The following PLXDC2 variants were observed in gnomAD, a reference collection of about 807,000 sequenced individuals.
The protein encoded by PLXDC2 is plexin domain containing 2.
Under a neutral mutation model 68.9 loss-of-function variants are expected in PLXDC2, and 40 were observed. The observed-to-expected ratio is 0.58, with a 90% confidence interval of 0.45 to 0.76. PLXDC2 has a LOEUF of 0.76. Ranked by LOEUF, PLXDC2 falls within the 30% of genes least tolerant of loss-of-function variation. The pLI is 0.00. For missense variants in PLXDC2, 644 were observed against 661.9 expected (o/e 0.97, Z 0.30); for synonymous variants, 243 against 234.2 (o/e 1.04, Z -0.34).
intron 9 of PLXDC2, among the ~76,000 whole-genome samples, chr10:20,191,570 A>G (rs1342449640): frequency 6.8e-6 from 1 of 146,274 alleles, no homozygotes; most frequent in African/African-American, 2.5e-5. Context: ...CACTGCCCAG[A>G]TTTCCTGCTG....
intron 1 of PLXDC2, among the ~76,000 whole-genome samples, chr10:19,818,960 AT>A (rs1287977227): frequency 7.3e-5 from 11 of 151,694 alleles, no homozygotes; most frequent in African/African-American, 1.9e-4. Context: ...GGAAAAAAAA[AT>A]AAATGCCAGC....
chr10:20,097,208 T>C (rs1295989172), intron 4 of PLXDC2, among the ~76,000 whole-genome samples: 1 of 152,136 alleles, frequency 6.6e-6, no homozygotes, highest in Non-Finnish European at 1.5e-5. Flanking sequence ...CACCAAGAAA[T>C]AGGTCATTTG....
intron 4 of PLXDC2, among the ~76,000 whole-genome samples, chr10:20,140,498 A>C (rs1366063430): frequency 6.6e-6 from 1 of 151,628 alleles, no homozygotes; most frequent in African/African-American, 2.4e-5. Context: ...GTAAATGTCT[A>C]ATGGGGTGTT....
intron 1 of PLXDC2, among the ~76,000 whole-genome samples, chr10:19,884,671 A>G (rs1837807357): frequency 6.6e-6 from 1 of 152,206 alleles, no homozygotes; most frequent in South Asian, 2.1e-4. Context: ...TGTCCCTACG[A>G]AGGACATGAA....
chr10:19,933,988 ATTC>A (rs1345806843), intron 1 of PLXDC2, among the ~76,000 whole-genome samples: 2 of 152,156 alleles, frequency 1.3e-5, no homozygotes, highest in South Asian at 2.1e-4. Flanking sequence ...CTTTTTGTCA[ATTC>A]TTCTTGTTTT....
chr10:20,183,307 A>G (rs1166662769), intron 9 of PLXDC2, among the ~76,000 whole-genome samples: 3 of 151,914 alleles, frequency 2.0e-5, no homozygotes, highest in African/African-American at 7.2e-5. Flanking sequence ...GAGAGTATAA[A>G]TTGAAAGCAG....
In PLXDC2 at chr10:20,147,809, C is replaced by G. The variant is rs1395702679; in HGVS notation, c.690C>G (p.Asp230Glu). The G allele has an allele frequency of 6.2e-7, 1 of 1,612,456 alleles. No homozygotes were observed. The highest frequency in any genetic ancestry group is 8.5e-7 in the Non-Finnish European group (1 of 1,178,722). ...GCACAGCACTTGTGGTCCAGTGGGA[C>G]CATGTACATCTCCAGGATAATTATA... The part of the protein sequence containing the change: ...DNGTALVVQW[D>E]HVHLQDNYNL... The change falls in exon 6 of 14, where the codon GAC becomes GAG. Residue 230 changes from aspartate to glutamate, a missense_variant. By Grantham distance (45) the Asp-to-Glu change is conservative. Around this residue, in one of 3 missense-constraint regions of PLXDC2, gnomAD observed 113 missense variants for 167.1 expected, o/e 0.68. Coordinates refer to ENST00000377252, the MANE Select transcript of PLXDC2 (RefSeq NM_032812.9).
intron 9 of PLXDC2, among the ~76,000 whole-genome samples, chr10:20,189,452 A>G (rs1834730716): frequency 7.2e-6 from 1 of 138,178 alleles, no homozygotes; most frequent in Admixed American, 7.5e-5. Flanking sequence ...ACAAAGGAAC[A>G]CACTTTTTAA....
At chr10:19,864,811 A>T (rs189682545) in intron 1 of PLXDC2, among the ~76,000 whole-genome samples, 4 of 152,318 alleles carry the variant, frequency 2.6e-5, no homozygotes, top group Non-Finnish European at 5.9e-5. Context: ...AAAACAACTC[A>T]GGAAGGAATT....
At chr10:19,910,538 C>T (rs1833249433) in intron 1 of PLXDC2, among the ~76,000 whole-genome samples, 1 of 150,088 alleles carries the variant, frequency 6.7e-6, no homozygotes, top group Non-Finnish European at 1.5e-5. Flanking sequence ...GATAACTACC[C>T]TTTCCCTTTT....
intron 1 of PLXDC2, among the ~76,000 whole-genome samples, chr10:19,876,599 CTCAAAAA>C: frequency 2.0e-5 from 1 of 50,026 alleles, no homozygotes; most frequent in Non-Finnish European, 3.4e-5. Flanking sequence ...GAGATTCCAT[CTCAAAAA>C]AAAAAAAAAA....
At chr10:19,859,309 A>G (rs937972103) in intron 1 of PLXDC2, among the ~76,000 whole-genome samples, 3 of 152,186 alleles carry the variant, frequency 2.0e-5, no homozygotes, top group Non-Finnish European at 4.4e-5. Flanking sequence ...ACACAATAGC[A>G]GATGCCAAAG....
intron 3 of PLXDC2, among the ~76,000 whole-genome samples, chr10:20,048,254 A>G (rs1835832000): frequency 6.6e-6 from 1 of 152,124 alleles, no homozygotes. Flanking sequence ...TAAAAGCTAA[A>G]TGGAAATTAA....
At chr10:19,829,507 C>T (rs4748612) in intron 1 of PLXDC2, among the ~76,000 whole-genome samples, 91,977 of 151,922 alleles carry the variant, frequency 0.61, 28,003 homozygotes, top group Non-Finnish European at 0.64. Context: ...AAAGTATCAA[C>T]GACAGGCCAG....
At chr10:20,197,001 C>G (rs1378709410) in intron 9 of PLXDC2, among the ~76,000 whole-genome samples, 2 of 143,208 alleles carry the variant, frequency 1.4e-5, no homozygotes, top group East Asian at 4.1e-4. Flanking sequence ...ATTTTTTTTT[C>G]TAATACGATG....
chr10:20,012,344 G>A lies in PLXDC2; in HGVS notation c.324+10358G>A, dbSNP rs1384558784. On this transcript the variant is annotated intron_variant, in intron 2 of 13. Transcript: ENST00000377252. ...TTTTTTTTTTTTTTTTGGAGAAGGA[G>A]ACTTGCTGTGTTTCCCAGGCTGGAG... Among the ~76,000 whole-genome samples, 28 of 65,668 alleles carry A rather than the reference G, an allele frequency of 4.3e-4. 2 individuals are homozygous for A. The highest frequency in any genetic ancestry group is 1.3e-3 in the African/African-American group (21 of 15,904). The allele number at this position is 65,668 out of a possible 152,430, so 43.1% of individuals were successfully genotyped here. A position where few individuals can be genotyped will look rare whatever the true frequency, so the allele number is the denominator to read the frequency against.
intron 2 of PLXDC2, among the ~76,000 whole-genome samples, chr10:20,040,184 A>G (rs1484980713): frequency 1.3e-5 from 2 of 152,096 alleles, no homozygotes; most frequent in Non-Finnish European, 2.9e-5. Flanking sequence ...ACCCTTAGCC[A>G]ATCATCTGAG....
At chr10:19,851,991 A>G (rs1837126101) in intron 1 of PLXDC2, among the ~76,000 whole-genome samples, 1 of 152,232 alleles carries the variant, frequency 6.6e-6, no homozygotes, top group African/African-American at 2.4e-5. Context: ...GGATCAGGCC[A>G]CAGAAAGGTA....
chr10:19,975,243 A>G (rs1834430387), intron 1 of PLXDC2, among the ~76,000 whole-genome samples: 1 of 152,002 alleles, frequency 6.6e-6, no homozygotes, highest in South Asian at 2.1e-4. Flanking sequence ...TCACGAGGTC[A>G]GGAGATTGAG....
Sources: gnomAD v4.1 joint callset for allele counts (sites outside exome capture counted in the v4.1 genomes callset) on GRCh38, gnomAD v4.1.1 for gene constraint, gnomAD v4.1.1 regional missense constraint, MANE v1.5 for transcripts, NCBI Gene and HGNC (gene_info 2026-07-23, HGNC 2026-07-21) for gene names.